PLA2G4A: variants seen among roughly 807,000 people sequenced by gnomAD.
The protein encoded by PLA2G4A is phospholipase A2 group IVA, also known as cytosolic phospholipase A2.
Under a neutral mutation model 81.9 loss-of-function variants are expected in PLA2G4A, and 40 were observed. The observed-to-expected ratio is 0.49, with a 90% confidence interval of 0.38 to 0.64. The LOEUF is 0.64. PLA2G4A is among the 30% of genes least tolerant of loss of function. The pLI is 0.00. For synonymous variants in PLA2G4A, 302 were observed against 296.9 expected (o/e 1.02, Z -0.18); for missense variants, 715 against 905.1 (o/e 0.79, Z 2.69).
chr1:186,956,804 G>A (rs984801592), intron 14 of PLA2G4A, among the ~76,000 whole-genome samples: 7 of 152,070 alleles, frequency 4.6e-5, no homozygotes, highest in African/African-American at 1.2e-4. Flanking sequence ...GTGAGTCACC[G>A]TACCTGGCCT....
intron 14 of PLA2G4A, among the ~76,000 whole-genome samples, chr1:186,963,989 A>C (rs1182528658): frequency 1.3e-5 from 2 of 152,220 alleles, no homozygotes; most frequent in African/African-American, 2.4e-5. Context: ...CTAATAAGTA[A>C]AACTGACTAT....
At chr1:186,892,790 A>G (rs1654191877) in intron 3 of PLA2G4A, among the ~76,000 whole-genome samples, 1 of 152,214 alleles carries the variant, frequency 6.6e-6, no homozygotes, top group African/African-American at 2.4e-5. Context: ...ATCACTTAAT[A>G]AACAATTCCC....
intron 7 of PLA2G4A, among the ~76,000 whole-genome samples, chr1:186,919,422 T>A (rs1655264007): frequency 6.6e-6 from 1 of 152,148 alleles, no homozygotes; most frequent in Admixed American, 6.5e-5. Flanking sequence ...CTTGGACATC[T>A]TATACCTACA....
chr1:186,913,616 T>C (rs1338770765), intron 7 of PLA2G4A, among the ~76,000 whole-genome samples: 1 of 152,046 alleles, frequency 6.6e-6, no homozygotes, highest in Non-Finnish European at 1.5e-5. Flanking sequence ...GTCAAATGAA[T>C]ATAATTTATT....
intron 7 of PLA2G4A, among the ~76,000 whole-genome samples, chr1:186,912,819 T>C (rs1329914266): frequency 6.8e-6 from 1 of 146,130 alleles, no homozygotes; most frequent in Non-Finnish European, 1.5e-5. Flanking sequence ...TACATATATA[T>C]GTATCTAATA....
chr1:186,846,804 AT>A (rs1157714160), intron 1 of PLA2G4A, among the ~76,000 whole-genome samples: 1 of 151,670 alleles, frequency 6.6e-6, no homozygotes, highest in Non-Finnish European at 1.5e-5. Context: ...GTCGTGGCCC[AT>A]TTTAATTCCT....
chr1:186,937,028 GTT>G (rs57455739), intron 8 of PLA2G4A, among the ~76,000 whole-genome samples: 45,812 of 145,476 alleles, frequency 0.31, 9,418 homozygotes, highest in African/African-American at 0.59. Context: ...ATACTTTTAT[GTT>G]TTTTTTTTTT....
At chr1:186,936,059 G>A (rs900195621) in intron 8 of PLA2G4A, among the ~76,000 whole-genome samples, 2 of 151,960 alleles carry the variant, frequency 1.3e-5, no homozygotes, top group African/African-American at 4.8e-5. Flanking sequence ...CTCAGGATTA[G>A]TACAGCTTTC....
chr1:186,874,464 G>A (rs73053801), intron 3 of PLA2G4A, among the ~76,000 whole-genome samples: 288 of 152,106 alleles, frequency 1.9e-3, no homozygotes, highest in African/African-American at 6.5e-3. Context: ...TTCACTCCCT[G>A]CTATGAGATT....
chr1:186,891,835 A>G (rs1654155619), intron 3 of PLA2G4A, among the ~76,000 whole-genome samples: 1 of 152,142 alleles, frequency 6.6e-6, no homozygotes, highest in African/African-American at 2.4e-5. Flanking sequence ...TTGCTTGGTC[A>G]TATGGTAGCT....
intron 10 of PLA2G4A, among the ~76,000 whole-genome samples, chr1:186,943,594 G>T (rs182916275): frequency 2.0e-5 from 3 of 152,086 alleles, no homozygotes; most frequent in South Asian, 4.1e-4. Flanking sequence ...TGTAAGAAAG[G>T]GTGATGAAAC....
chr1:186,892,077 T>C (rs1182524247), intron 3 of PLA2G4A, among the ~76,000 whole-genome samples: 1 of 152,184 alleles, frequency 6.6e-6, no homozygotes, highest in Non-Finnish European at 1.5e-5. Flanking sequence ...TTGTTTCCCA[T>C]TTGTATGTCT....
chr1:186,831,009 T>A (rs1651563211), intron 1 of PLA2G4A, among the ~76,000 whole-genome samples: 1 of 146,220 alleles, frequency 6.8e-6, no homozygotes, highest in African/African-American at 2.5e-5. Flanking sequence ...TTTCTTTCTT[T>A]CTTTCTTTCT....
At chr1:186,905,052 G>C (rs781249758) in intron 5 of PLA2G4A, among the ~76,000 whole-genome samples, 1 of 151,984 alleles carries the variant, frequency 6.6e-6, no homozygotes. Flanking sequence ...ATGGGATTTC[G>C]CCATGTTAGC....
chr1:186,932,687 T>C, intron 7 of PLA2G4A, 76 bp from the exon 8 acceptor site: 1 of 1,399,514 alleles, frequency 7.1e-7, no homozygotes, highest in Admixed American at 1.7e-5. Context: ...ATGTATAACA[T>C]AAAGATTGAG....
At chr1:186,942,430 A>G (rs567675456) in intron 10 of PLA2G4A, among the ~76,000 whole-genome samples, 17 of 152,322 alleles carry the variant, frequency 1.1e-4, no homozygotes, top group African/African-American at 3.6e-4. Flanking sequence ...TCTAAGCTGA[A>G]TACCTCAGGC....
Position 186,946,893 on chromosome 1 carries a change from T to C in PLA2G4A, c.1196T>C (p.Ile399Thr). 1 of 1,612,460 alleles carries C rather than the reference T, an allele frequency of 6.2e-7. No individual in the cohort carries two copies. Among genetic ancestry groups the C allele is most frequent in the South Asian group, 1.1e-5 (1 of 91,060 alleles). Residue 399 changes from isoleucine to threonine, a missense_variant, in exon 12 of 18, where the codon ATA becomes ACA. Transcript: ENST00000367466. The part of the protein sequence containing the change: ...LMGVWGSAFS[I>T]LFNRVLGVSG... The stretch of plus-strand genomic sequence containing the variant: ...GGTGTCTGGGGCAGTGCCTTTTCCA[T>C]ATTGTTCAACAGAGTTTTGGGCGTT...
chr1:186,947,294 GATT>G (rs1656380048), intron 12 of PLA2G4A, among the ~76,000 whole-genome samples: 2 of 151,938 alleles, frequency 1.3e-5, no homozygotes, highest in South Asian at 4.1e-4. Context: ...GCTTTTTAAA[GATT>G]AGATTCACCA....
chr1:186,906,788 T>A (rs1431168410), intron 5 of PLA2G4A, among the ~76,000 whole-genome samples, 177 bp from the exon 6 acceptor site: 1 of 152,208 alleles, frequency 6.6e-6, no homozygotes, highest in African/African-American at 2.4e-5. Context: ...AAAAAGTTGG[T>A]TTACTGAAAT....
Sources: allele counts gnomAD v4.1 joint callset (sites outside exome capture counted in the v4.1 genomes callset), GRCh38; gene constraint gnomAD v4.1.1; transcripts MANE v1.5; gene names NCBI Gene and HGNC (gene_info 2026-07-23, HGNC 2026-07-21).